The following NLRP1 variants were observed in gnomAD, a reference collection of about 807,000 sequenced individuals.
NLRP1 encodes the protein NLR family pyrin domain containing 1.
Under a neutral mutation model 136.7 loss-of-function variants are expected in NLRP1, and 94 were observed. The observed-to-expected ratio is 0.69, with a 90% CI of 0.58 to 0.82. The LOEUF is 0.82. Ranked by LOEUF, NLRP1 falls within the 40% of genes least tolerant of loss-of-function variation. The pLI, the probability that NLRP1 is intolerant of heterozygous loss-of-function variation, is 0.00. For missense variants in NLRP1, 1,575 were observed against 1,802.7 expected (o/e 0.87, Z 2.29); for synonymous variants, 690 against 725.1 (o/e 0.95, Z 0.78).
chr17:5,570,667 G>T (rs1247211016), intron 3 of NLRP1, among the ~76,000 whole-genome samples: 1 of 152,050 alleles, frequency 6.6e-6, no homozygotes, highest in Non-Finnish European at 1.5e-5. Flanking sequence ...GACACATAAA[G>T]AAGAGCTCGT....
chr17:5,533,967 A>AG lies in NLRP1; in HGVS notation c.2981dup (p.Thr995TyrfsTer2), dbSNP rs1203853881. ...TCTCTCCCGTATCCAGGCCCTCAGT[A>AG]GGGGTCATCACACTTGGTTTCCTGG... On this transcript the variant is annotated frameshift_variant, in exon 9 of 17. Coordinates refer to ENST00000572272, the MANE Select transcript of NLRP1 (RefSeq NM_033004.4). LOFTEE classifies it high-confidence loss of function. 5.0e-6 allele frequency: 8 copies of AG among 1,612,060 alleles called. No individual in the cohort carries two copies. The highest frequency in any genetic ancestry group is 6.8e-6 in the Non-Finnish European group (8 of 1,178,304).
intron 3 of NLRP1, among the ~76,000 whole-genome samples, chr17:5,578,948 C>A (rs1050528576): frequency 2.0e-5 from 3 of 152,192 alleles, no homozygotes; most frequent in African/African-American, 7.2e-5. Context: ...AGGATGAGTT[C>A]ATGTCCTTTG....
At chr17:5,545,827 C>T (rs1408954007) in intron 5 of NLRP1, among the ~76,000 whole-genome samples, 1 of 152,238 alleles carries the variant, frequency 6.6e-6, no homozygotes, top group African/African-American at 2.4e-5. Flanking sequence ...CGGTTCTACC[C>T]ACCTGGCTTA....
In NLRP1 at chr17:5,530,493, C is replaced by G. The variant is rs1351532055; in HGVS notation, c.3508G>C (p.Val1170Leu). The change falls in exon 12 of 17, where the codon GTG becomes CTG. Residue 1170 changes from valine to leucine, a missense_variant. Coordinates refer to ENST00000572272, the MANE Select transcript of NLRP1 (RefSeq NM_033004.4). ...AVEAVHLPHF[V>L]ALQGGHVDTS... Reference sequence around the variant, plus strand: ...CCCTGTTGTTTACCTTGGAGAGCCACAAAGTGAGGGAGGTGCACAGCTTCC... The same window carrying G: ...CCCTGTTGTTTACCTTGGAGAGCCAGAAAGTGAGGGAGGTGCACAGCTTCC... 6.2e-7 allele frequency: 1 copy of G among 1,613,852 alleles called. No individual in the cohort carries two copies. The highest frequency in any genetic ancestry group is 8.5e-7 in the Non-Finnish European group (1 of 1,179,954).
intron 9 of NLRP1, 62 bp downstream of exon 9, chr17:5,533,835 T>C: frequency 1.8e-6 from 2 of 1,115,364 alleles, no homozygotes; most frequent in Non-Finnish European, 2.7e-6. Flanking sequence ...GGGAATGACC[T>C]CCCACAGCTG....
At chr17:5,513,799 G>T (rs1390502953), downstream of NLRP1, among the ~76,000 whole-genome samples, 1 of 152,192 alleles carries the variant, frequency 6.6e-6, no homozygotes, top group African/African-American at 2.4e-5. Flanking sequence ...AAAACAGGAT[G>T]TGGTAAAGAA....
chr17:5,577,664 C>A (rs908329143), intron 3 of NLRP1, among the ~76,000 whole-genome samples: 7 of 152,116 alleles, frequency 4.6e-5, no homozygotes, highest in Admixed American at 1.3e-4. Context: ...GAATCAATAT[C>A]ATGAAAATGG....
rs568589769 is a variant in NLRP1 at position 5,561,689 on chromosome 17, C to T, written c.653-1646G>A. Among the ~76,000 whole-genome samples, 8 of 43,042 alleles carry T rather than the reference C, an allele frequency of 1.9e-4. 3 individuals are homozygous for T. The highest frequency in any genetic ancestry group is 1.4e-3 in the East Asian group (4 of 2,770). 28.2% of individuals were successfully genotyped at this position (43,042 alleles called of 152,430 possible). ...CGATCTCCTGACCTCATGATCCACC[C>T]GCCTCGGCCTCCCAAAGTGCTGGGA... On this transcript the variant is annotated intron_variant, in intron 3 of 16. Coordinates refer to ENST00000572272, the MANE Select transcript of NLRP1 (RefSeq NM_033004.4).
chr17:5,550,188 G>A (rs1913161901), intron 5 of NLRP1, among the ~76,000 whole-genome samples: 1 of 151,600 alleles, frequency 6.6e-6, no homozygotes, highest in Non-Finnish European at 1.5e-5. Context: ...TCTAATTTTG[G>A]TATCAGGGTA....
At chr17:5,573,699 C>T (rs908387252) in intron 3 of NLRP1, among the ~76,000 whole-genome samples, 37 of 152,220 alleles carry the variant, frequency 2.4e-4, no homozygotes, top group African/African-American at 8.7e-4. Context: ...GATACCCAGG[C>T]AAACAAGGTC....
chr17:5,536,771 C>G (rs1276500604), intron 8 of NLRP1, 80 bp downstream of exon 8: 12 of 997,112 alleles, frequency 1.2e-5, no homozygotes, highest in Non-Finnish European at 1.9e-5. Flanking sequence ...GTGTTTGTCT[C>G]TCACCCCATG....
chr17:5,516,306 C>T (rs1908108572), intron 15 of NLRP1, among the ~76,000 whole-genome samples: 1 of 152,078 alleles, frequency 6.6e-6, no homozygotes, highest in South Asian at 2.1e-4. Flanking sequence ...TGACTCATTC[C>T]CACACTGGAG....
intron 5 of NLRP1, among the ~76,000 whole-genome samples, chr17:5,545,523 G>GACACACACACATACAC (rs1310774601): frequency 9.4e-6 from 1 of 105,908 alleles, no homozygotes; most frequent in Non-Finnish European, 1.9e-5. Context: ...TACACACACA[G>GACACACACACATACAC]ACACAGACAC....
At chr17:5,540,037 G>C (rs7207278) in intron 6 of NLRP1, among the ~76,000 whole-genome samples, 7,195 of 152,240 alleles carry the variant, frequency 0.047, 192 homozygotes, top group Middle Eastern at 0.088. Context: ...GCAACATATC[G>C]TTTTCCCAGC....
chr17:5,520,375 T>C (rs1189586284), intron 14 of NLRP1, among the ~76,000 whole-genome samples: 1 of 152,170 alleles, frequency 6.6e-6, no homozygotes, highest in African/African-American at 2.4e-5. Context: ...TCCTTCTGCC[T>C]GAAATGTTCT....
At chr17:5,529,971 C>G in intron 12 of NLRP1, 1 of 456,510 alleles carries the variant, frequency 2.2e-6, no homozygotes, top group East Asian at 7.0e-5. Flanking sequence ...TAAAATCATA[C>G]TTTGTGATTA....
At chr17:5,507,180 T>C (rs540198458) in intron 15 of NLRP1, among the ~76,000 whole-genome samples, 1 of 152,282 alleles carries the variant, frequency 6.6e-6, no homozygotes, top group South Asian at 2.1e-4. Flanking sequence ...GTGGTGATCG[T>C]TGCACGTCGA....
At chr17:5,506,426 T>C (rs1440143973) in intron 15 of NLRP1, among the ~76,000 whole-genome samples, 2 of 152,160 alleles carry the variant, frequency 1.3e-5, no homozygotes, top group Non-Finnish European at 2.9e-5. Context: ...GCTGGGTATA[T>C]ACCCAAAAGA....
At chr17:5,575,650 C>A (rs1288308202) in intron 3 of NLRP1, among the ~76,000 whole-genome samples, 1 of 152,160 alleles carries the variant, frequency 6.6e-6, no homozygotes, top group Non-Finnish European at 1.5e-5. Flanking sequence ...TACAAAGAGA[C>A]TTAAGACTCC....
Sources: gnomAD v4.1 joint callset for allele counts (sites outside exome capture counted in the v4.1 genomes callset) on GRCh38, gnomAD v4.1.1 for gene constraint, MANE v1.5 for transcripts, NCBI Gene and HGNC (gene_info 2026-07-23, HGNC 2026-07-21) for gene names.